The following STPG2 variants were observed in gnomAD, a reference collection of about 807,000 sequenced individuals.
STPG2 encodes the protein sperm tail PG-rich repeat containing 2, also known as sperm-tail PG-rich repeat-containing protein 2.
In STPG2, 56 loss-of-function variants were observed where a neutral mutation model predicts 54.2. That is an observed-to-expected ratio of 1.03 (90% CI 0.83 to 1.29). The LOEUF (loss-of-function observed/expected upper bound fraction) is 1.29. STPG2 is among the 50% of genes most tolerant of loss of function. The pLI is 0.00. For synonymous variants in STPG2, 200 were observed against 181.8 expected, an observed-to-expected ratio of 1.10 and a Z score of -0.81; for missense variants, 596 against 544.9, an observed-to-expected ratio of 1.09 and a Z score of -0.93.
chr4:97,528,340 T>C lies in STPG2; in HGVS notation c.462+184359A>G, dbSNP rs145926935. On this transcript the variant is annotated intron_variant, in intron 4 of 4. Coordinates refer to the STPG2 transcript ENST00000522676. ...TGTGGCACTATTTCTGAGGCCTCTG[T>C]TCTATTCCATTGGTCTATATATCTG... 3.4e-3 allele frequency among the ~76,000 whole-genome samples: 523 copies of C among 152,264 alleles called. 4 individuals carry two copies. Among genetic ancestry groups the C allele is most frequent in the African/African-American group, 0.012 (486 of 41,550 alleles).
At chr4:97,596,371 T>C (rs1733293508) in intron 10 of STPG2, among the ~76,000 whole-genome samples, 1 of 151,912 alleles carries the variant, frequency 6.6e-6, no homozygotes. Flanking sequence ...ATTAAAAATA[T>C]ACAAAGACAT....
At chr4:97,666,389 C>A (rs1722526606) in intron 10 of STPG2, among the ~76,000 whole-genome samples, 1 of 152,182 alleles carries the variant, frequency 6.6e-6, no homozygotes, top group Non-Finnish European at 1.5e-5. Context: ...CCATGCAACT[C>A]TCTCATTGAT....
intron 10 of STPG2, among the ~76,000 whole-genome samples, chr4:97,653,111 ATAGG>A (rs56234856): frequency 0.11 from 16,473 of 147,744 alleles, 1,011 homozygotes; most frequent in African/African-American, 0.17. Flanking sequence ...AGATAGATAG[ATAGG>A]TAGATAGATA....
At chr4:97,904,028 C>T (rs1011427718) in intron 8 of STPG2, among the ~76,000 whole-genome samples, 17 of 152,180 alleles carry the variant, frequency 1.1e-4, no homozygotes, top group Non-Finnish European at 1.9e-4. Context: ...GGGGGAGGGG[C>T]GCCCAGCATT....
intron 2 of STPG2, among the ~76,000 whole-genome samples, chr4:98,130,929 A>C (rs1281815660): frequency 7.0e-6 from 1 of 143,196 alleles, no homozygotes; most frequent in Non-Finnish European, 1.5e-5. Flanking sequence ...CTCAAAAAAA[A>C]AAAAAAAAAA....
chr4:97,559,890 T>C (rs1035080083), intron 10 of STPG2, among the ~76,000 whole-genome samples: 2 of 152,212 alleles, frequency 1.3e-5, no homozygotes, highest in African/African-American at 4.8e-5. Flanking sequence ...AGTAAGAGCC[T>C]ACTGTATGCA....
At chr4:97,528,125 C>G (rs1445409112) in intron 4 of STPG2, among the ~76,000 whole-genome samples, 1 of 151,956 alleles carries the variant, frequency 6.6e-6, no homozygotes, top group Non-Finnish European at 1.5e-5. Context: ...GGATTTTATG[C>G]TTTTTGGTCT....
chr4:97,850,650 AG>A (rs1729130046), intron 8 of STPG2, among the ~76,000 whole-genome samples: 1 of 151,770 alleles, frequency 6.6e-6, no homozygotes, highest in Admixed American at 6.6e-5. Flanking sequence ...AAGAAGAGAA[AG>A]GGTAAAAACC....
intron 1 of STPG2, among the ~76,000 whole-genome samples, chr4:98,140,296 A>T (rs542635611): frequency 1.3e-5 from 2 of 152,310 alleles, no homozygotes; most frequent in East Asian, 3.9e-4. Flanking sequence ...CAGAACATGA[A>T]GAACATTATA....
chr4:97,694,080 C>T (rs1026808878), intron 10 of STPG2, among the ~76,000 whole-genome samples: 1 of 151,966 alleles, frequency 6.6e-6, no homozygotes, highest in Non-Finnish European at 1.5e-5. Flanking sequence ...CACAAATAGA[C>T]AATCTAAGGT....
chr4:97,457,062 C>T (rs1729546407), intron 4 of STPG2, among the ~76,000 whole-genome samples: 1 of 152,070 alleles, frequency 6.6e-6, no homozygotes, highest in African/African-American at 2.4e-5. Context: ...ATACCACTAC[C>T]TACTGATCCG....
intron 9 of STPG2, among the ~76,000 whole-genome samples, chr4:97,812,371 T>C (rs937922984): frequency 6.6e-6 from 1 of 152,108 alleles, no homozygotes; most frequent in African/African-American, 2.4e-5. Context: ...TCTCTAAGCA[T>C]TTCCTTCAAA....
Position 97,473,447 on chromosome 4 carries a change from C to T in STPG2, c.462+239252G>A, listed in dbSNP as rs538898359. Among the ~76,000 whole-genome samples the T allele has an allele frequency of 5.9e-5, 9 of 152,236 alleles. No homozygotes were observed. The South Asian group carries it at 8.3e-4, about 14-fold the overall frequency. On this transcript the variant is annotated intron_variant, in intron 4 of 4. Coordinates refer to the STPG2 transcript ENST00000522676. The stretch of plus-strand genomic sequence containing the variant: ...TGAAATCAGCCCCAGTCTCCCATAG[C>T]GCTCCCAGGCTTATTAGGATGAGGA...
chr4:97,592,557 T>C (rs1733173175), intron 10 of STPG2, among the ~76,000 whole-genome samples: 1 of 152,040 alleles, frequency 6.6e-6, no homozygotes, highest in Non-Finnish European at 1.5e-5. Flanking sequence ...CAACTAGCTG[T>C]AGCCAGGAAG....
chr4:97,883,537 G>A (rs1426110559), intron 8 of STPG2, among the ~76,000 whole-genome samples: 1 of 152,070 alleles, frequency 6.6e-6, no homozygotes, highest in South Asian at 2.1e-4. Context: ...TGAATGGACA[G>A]ATGAAGAATT....
chr4:97,665,975 C>G (rs1722509172), intron 10 of STPG2, among the ~76,000 whole-genome samples: 1 of 152,128 alleles, frequency 6.6e-6, no homozygotes, highest in African/African-American at 2.4e-5. Flanking sequence ...CAGGCACTTA[C>G]AAGCCTATGG....
rs1355035107 is a variant in STPG2 at position 98,128,502 on chromosome 4, C to T, written c.313G>A (p.Asp105Asn). 2 of 1,613,578 alleles carry T rather than the reference C, an allele frequency of 1.2e-6. No homozygotes were observed. Among genetic ancestry groups the T allele is most frequent in the East Asian group, 2.2e-5 (1 of 44,808 alleles). Residue 105 changes from aspartate (D) to asparagine (N), a missense_variant, in exon 3 of 11, where the codon GAT becomes AAT. Transcript: ENST00000295268. ...GGAAAACATTTTATAATACTGCCAT[C>T]ATCATTAATATGATAACCATATGAC... ...GKSYGYHIND[D>N]GSIIKCFPPA...
intron 8 of STPG2, among the ~76,000 whole-genome samples, chr4:97,883,138 G>A (rs1485702060): frequency 1.3e-5 from 2 of 150,878 alleles, no homozygotes; most frequent in African/African-American, 4.9e-5. Flanking sequence ...GGCAACATAG[G>A]GAGACCTTGT....
intron 4 of STPG2, among the ~76,000 whole-genome samples, chr4:97,461,283 G>T (rs1479004723): frequency 6.6e-6 from 1 of 151,462 alleles, no homozygotes; most frequent in Non-Finnish European, 1.5e-5. Context: ...CTGCATTTTA[G>T]CCATGCTAAT....
Sources: gnomAD v4.1 joint callset for allele counts (sites outside exome capture counted in the v4.1 genomes callset) on GRCh38, gnomAD v4.1.1 for gene constraint, MANE v1.5 for transcripts, NCBI Gene and HGNC (gene_info 2026-07-23, HGNC 2026-07-21) for gene names.